Variants in MYCBP2 observed in about 807,000 individuals in gnomAD.
MYCBP2 encodes MYC binding protein 2.
Under a neutral mutation model 525.3 loss-of-function variants are expected in MYCBP2, and 120 were observed. The ratio of observed to expected loss-of-function variants is 0.23; its 90% CI spans 0.20 to 0.27. The LOEUF (loss-of-function observed/expected upper bound fraction) is 0.27, where lower values mean the gene tolerates loss of function less well. MYCBP2 is among the 10% of genes least tolerant of loss of function. MYCBP2 has a pLI of 1.00. For missense variants in MYCBP2, 4,149 were observed against 5,657.1 expected (o/e 0.73, Z 8.55); for synonymous variants, 1,894 against 1,955.8 (o/e 0.97, Z 0.83).
chr13:77,287,698 T>C (rs1192158177), intron 3 of MYCBP2, among the ~76,000 whole-genome samples: 1 of 151,986 alleles, frequency 6.6e-6, no homozygotes, highest in African/African-American at 2.4e-5. Flanking sequence ...CTGAGAGGCT[T>C]TGTAGTTCTA....
At chr13:77,138,254 A>G (rs1350293823) in intron 52 of MYCBP2, among the ~76,000 whole-genome samples, 1 of 152,194 alleles carries the variant, frequency 6.6e-6, no homozygotes, top group African/African-American at 2.4e-5. Context: ...ACAAAAGCAT[A>G]TAAAAAAGAA....
chr13:77,088,957 TAGAA>T lies in MYCBP2; in HGVS notation c.10596_10599del (p.Ser3533LysfsTer11). 6.2e-7 allele frequency: 1 copy of T among 1,613,462 alleles called. No homozygotes were observed. The highest frequency in any genetic ancestry group is 8.5e-7 in the Non-Finnish European group (1 of 1,179,604). On this transcript the variant is annotated frameshift_variant, in exon 61 of 83. Transcript: ENST00000544440. LOFTEE classifies it high-confidence loss of function. ...GGCCACTGGAAATTTCGTTCTCCTT[TAGAA>T]AGAGAGCTGTGGGCTGAGATTAGCC... is the stretch of plus-strand genomic sequence containing the variant.
intron 52 of MYCBP2, chr13:77,129,011 G>A (rs1327347949): frequency 2.6e-6 from 1 of 387,358 alleles, no homozygotes; most frequent in South Asian, 1.4e-4. Flanking sequence ...GCAGGAGTGA[G>A]AAAACTCAAT....
In MYCBP2 at chr13:77,081,641, A is replaced by T. The variant is rs761163773; in HGVS notation, c.11204T>A (p.Ile3735Lys). ...GGTTAAGTCCTTTAAGCACATTACT[A>T]TGCATAATTCCTATCAGAAACAAAT... ...GFEAMSQELC[I>K]VMCLKDLTSI... Residue 3735 changes from isoleucine to lysine, a missense_variant, in exon 65 of 83, where the codon ATA (isoleucine) becomes AAA (lysine). This residue lies in a region of MYCBP2 where 509 missense variants were observed against 789.4 expected (regional missense o/e 0.64). Coordinates refer to ENST00000544440, the MANE Select transcript of MYCBP2 (RefSeq NM_015057.5). The surrounding 1 kb of genome is among the most constrained non-coding windows in gnomAD (Gnocchi z 4.6). 5.0e-6 allele frequency: 8 copies of T among 1,608,818 alleles called. No individual in the cohort carries two copies. Among genetic ancestry groups the T allele is most frequent in the Middle Eastern group, 1.7e-4 (1 of 5,760 alleles).
intron 21 of MYCBP2, among the ~76,000 whole-genome samples, chr13:77,214,565 G>A (rs751643906): frequency 4.6e-5 from 7 of 152,140 alleles, no homozygotes; most frequent in African/African-American, 1.7e-4. Context: ...TTTAAAAAAC[G>A]GGAAAGGGGA....
chr13:77,247,808 T>C (rs547504894), intron 15 of MYCBP2, among the ~76,000 whole-genome samples: 1 of 152,250 alleles, frequency 6.6e-6, no homozygotes, highest in South Asian at 2.1e-4. Context: ...GATGGTTCAA[T>C]AGAGAAAGGA....
At position 77,205,448 on chromosome 13, in the gene MYCBP2, A is replaced by G. The variant is rs560544435; in HGVS notation, c.3715+25T>C. On this transcript the variant is annotated intron_variant, in intron 25 of 82. Transcript: ENST00000544440. ...ATATATATTTCAGTTGTAAGACAACATTTCCTAAACCGAAGTATACATACT... is the reference window on the plus strand; with the variant it reads ...ATATATATTTCAGTTGTAAGACAACGTTTCCTAAACCGAAGTATACATACT... 34 of 1,612,266 alleles carry G rather than the reference A, an allele frequency of 2.1e-5. No homozygotes were observed. In the South Asian group the frequency reaches 2.9e-4, roughly 14 times the overall value.
chr13:77,124,462 T>G (rs2051304348), intron 54 of MYCBP2, among the ~76,000 whole-genome samples: 1 of 152,214 alleles, frequency 6.6e-6, no homozygotes, highest in Non-Finnish European at 1.5e-5. Flanking sequence ...TTTTGGGATT[T>G]GGCAGACAAG....
rs569181897 is a variant in MYCBP2, at chr13:77,045,847, T to G, written c.13922-354A>C. On this transcript the variant is annotated intron_variant, in intron 82 of 82. Coordinates refer to ENST00000544440, the MANE Select transcript of MYCBP2 (RefSeq NM_015057.5). ...GGTCACAAAACCCCTCAATTTAGTC[T>G]GGCAGAACATTATTTTTCTGAATAG... is the stretch of plus-strand genomic sequence containing the variant. Among the ~76,000 whole-genome samples the G allele has an allele frequency of 1.5e-3, 236 of 152,314 alleles. 1 individual carries two copies. Among genetic ancestry groups the G allele is most frequent in the South Asian group, 2.9e-3 (14 of 4,828 alleles).
chr13:77,256,370 A>C (rs2072198761), intron 14 of MYCBP2, among the ~76,000 whole-genome samples: 1 of 152,082 alleles, frequency 6.6e-6, no homozygotes. Context: ...CCAAAGAAGC[A>C]CTATTTTATG....
rs2154317918 is a variant in MYCBP2 at position 77,244,078 on chromosome 13, C to G, written c.2382-127G>C. On this transcript the variant is annotated intron_variant, in intron 15 of 82. Coordinates refer to ENST00000544440, the MANE Select transcript of MYCBP2 (RefSeq NM_015057.5). ...TTAAATGAGTAAGCAATGAAATCACCTCTTTAGATCACGATTGTTCATTTT... is the reference window on the plus strand; with the variant it reads ...TTAAATGAGTAAGCAATGAAATCACGTCTTTAGATCACGATTGTTCATTTT... The G allele has an allele frequency of 5.0e-6, 5 of 1,008,894 alleles. No individual in the cohort carries two copies. In the South Asian group the frequency reaches 1.2e-4, roughly 24 times the overall value. The allele number at this position is 1,008,894 out of a possible 1,614,324, so 62.5% of individuals were successfully genotyped here.
At position 77,175,324 on chromosome 13, in the gene MYCBP2, T is replaced by C. The variant is rs188543060; in HGVS notation, c.5473-835A>G. 3.4e-3 allele frequency among the ~76,000 whole-genome samples: 513 copies of C among 152,144 alleles called. 2 individuals are homozygous for C. Among genetic ancestry groups the C allele is most frequent in the Non-Finnish European group, 4.6e-3 (316 of 68,010 alleles). On this transcript the variant is annotated intron_variant, in intron 36 of 82. Coordinates refer to ENST00000544440, the MANE Select transcript of MYCBP2 (RefSeq NM_015057.5). ...GATGTGAGGAAAAAAATGGTGAGTC[T>C]ATTATATTTTTAAGAAAAACTCAGA...
chr13:77,291,104 C>T (rs1025847848), intron 2 of MYCBP2, among the ~76,000 whole-genome samples: 1 of 151,942 alleles, frequency 6.6e-6, no homozygotes. Flanking sequence ...AAAAGCAAGC[C>T]ACAGAACAGG....
intron 2 of MYCBP2, among the ~76,000 whole-genome samples, chr13:77,296,116 G>C (rs1290697117): frequency 6.6e-6 from 1 of 152,134 alleles, no homozygotes; most frequent in Non-Finnish European, 1.5e-5. Flanking sequence ...CCAGGCTACT[G>C]GTCAAGAAAA....
intron 55 of MYCBP2, among the ~76,000 whole-genome samples, chr13:77,119,263 T>C (rs1476487075): frequency 6.6e-5 from 10 of 152,156 alleles, no homozygotes; most frequent in African/African-American, 9.7e-5. Flanking sequence ...TTTGTGAGTA[T>C]ACATTAAATA....
At chr13:77,070,327 CG>C (rs1594213513) in intron 69 of MYCBP2, among the ~76,000 whole-genome samples, 1 of 152,256 alleles carries the variant, frequency 6.6e-6, no homozygotes, top group African/African-American at 2.4e-5. Context: ...AACCTGCAGC[CG>C]GGGGACTGCC....
At chr13:77,078,197 G>C (rs1013528029) in intron 66 of MYCBP2, among the ~76,000 whole-genome samples, 1 of 152,076 alleles carries the variant, frequency 6.6e-6, no homozygotes, top group Non-Finnish European at 1.5e-5. Flanking sequence ...TTTATTATAT[G>C]TTTAGTCCAA....
At position 77,078,896 on chromosome 13, in the gene MYCBP2, T is replaced by C; in HGVS notation, c.11419-7A>G. ...TCATTGAGGTAACTTTATTCTGAAA[T>C]AGACAATTCACAATAGTTAATATGC... On this transcript the variant is annotated splice_region_variant and splice_polypyrimidine_tract_variant and intron_variant, in intron 65 of 82. Transcript: ENST00000544440. 8 of 1,609,382 alleles carry C rather than the reference T, an allele frequency of 5.0e-6. No homozygotes were observed. Among genetic ancestry groups the C allele is most frequent in the South Asian group, 1.1e-5 (1 of 90,940 alleles).
At chr13:77,046,944 A>G (rs374475747) in intron 82 of MYCBP2, among the ~76,000 whole-genome samples, 6 of 152,186 alleles carry the variant, frequency 3.9e-5, no homozygotes, top group African/African-American at 1.2e-4. Context: ...GGGACACTCA[A>G]TGGCAGATCT....
Sources: gnomAD v4.1 joint callset for allele counts (sites outside exome capture counted in the v4.1 genomes callset) on GRCh38, gnomAD v4.1.1 for gene constraint, gnomAD v4.1.1 regional missense constraint, Gnocchi (gnomAD v3.1) non-coding constraint, MANE v1.5 for transcripts, NCBI Gene and HGNC (gene_info 2026-07-23, HGNC 2026-07-21) for gene names.